ERC1: variants seen among roughly 807,000 people sequenced by gnomAD.
The protein encoded by ERC1 is RAB6 interacting protein 2.
In ERC1, 56 loss-of-function variants were observed where a neutral mutation model predicts 132.0. That is an observed-to-expected ratio of 0.42 (90% confidence interval 0.34 to 0.53). The LOEUF is 0.53. Ranked by LOEUF, ERC1 falls within the 20% of genes least tolerant of loss-of-function variation. The probability of loss-of-function intolerance (pLI) is 0.03; values close to 1 mark genes in which losing one functional copy is unlikely to be tolerated. For synonymous variants in ERC1, 478 were observed against 476.1 expected (o/e 1.00, Z -0.05); for missense variants, 1,202 against 1,349.9 (o/e 0.89, Z 1.72).
chr12:1,442,972 A>G (rs2093200940), intron 17 of ERC1, among the ~76,000 whole-genome samples: 1 of 150,932 alleles, frequency 6.6e-6, no homozygotes, highest in African/African-American at 2.4e-5. Flanking sequence ...CAGTGGTGTG[A>G]TCTCGGCTCA....
chr12:1,449,839 C>T (rs1393682876), intron 18 of ERC1, among the ~76,000 whole-genome samples: 5 of 151,670 alleles, frequency 3.3e-5, no homozygotes, highest in African/African-American at 9.7e-5. Flanking sequence ...CTATTTTTTT[C>T]CTCTGTTTTT....
At chr12:1,040,327 T>C (rs1276496108) in intron 2 of ERC1, among the ~76,000 whole-genome samples, 2 of 149,224 alleles carry the variant, frequency 1.3e-5, no homozygotes, top group African/African-American at 2.4e-5. Context: ...CTTTTTTCTT[T>C]TTTTTTTTTT....
At position 1,261,736 on chromosome 12, in the gene ERC1, T is replaced by C. The variant is rs76854200; in HGVS notation, c.2488-1298T>C. Among the ~76,000 whole-genome samples the C allele has an allele frequency of 9.5e-4, 144 of 152,310 alleles. 2 individuals carry two copies. In the East Asian group the frequency reaches 0.027, roughly 28 times the overall value. On this transcript the variant is annotated intron_variant, in intron 13 of 18. Coordinates refer to ENST00000360905, the MANE Select transcript of ERC1 (RefSeq NM_178040.4). ...CCTACATAAAACAGAACCTCACTTA[T>C]GGGAATAGATCACAGTATTTTATAA...
intron 14 of ERC1, among the ~76,000 whole-genome samples, chr12:1,281,138 T>C (rs1051242015): frequency 6.6e-6 from 1 of 152,242 alleles, no homozygotes; most frequent in African/African-American, 2.4e-5. Flanking sequence ...TTTCATTTGA[T>C]CTTAGAAGAA....
rs1314142739 is a variant in ERC1, at chr12:1,400,218, T to C, written c.2926-7931T>C. 2.0e-5 allele frequency among the ~76,000 whole-genome samples: 3 copies of C among 152,384 alleles called. No homozygotes were observed. The East Asian group carries it at 5.8e-4, about 29-fold the overall frequency. On this transcript the variant is annotated intron_variant, in intron 16 of 18. Coordinates refer to ENST00000360905, the MANE Select transcript of ERC1 (RefSeq NM_178040.4). ...TCTTTTCTTGTGCTTACTGCCTATT[T>C]GTGAATCTTCTTTGTTGATTGAAAA...
chr12:1,079,206 G>A (rs1429461083), intron 2 of ERC1, among the ~76,000 whole-genome samples: 1 of 147,380 alleles, frequency 6.8e-6, no homozygotes, highest in Non-Finnish European at 1.5e-5. Context: ...TCGATATACA[G>A]AGATACAGAT....
chr12:994,825 G>A (rs1037392231), intron 1 of ERC1, among the ~76,000 whole-genome samples: 6 of 151,944 alleles, frequency 3.9e-5, no homozygotes, highest in Non-Finnish European at 5.9e-5. Flanking sequence ...GGCCGGGTGC[G>A]GTGGCTCACG....
rs192949210 is a variant in ERC1 at position 1,367,069 on chromosome 12, A to G, written c.2781-4764A>G. On this transcript the variant is annotated intron_variant, in intron 15 of 18. Coordinates refer to ENST00000360905, the MANE Select transcript of ERC1 (RefSeq NM_178040.4). The stretch of plus-strand genomic sequence containing the variant: ...TCTGAAACCTCTGCAAGGGAAGTTG[A>G]AGAATCTAGTCATTAGAGGATTTCT... Among the ~76,000 whole-genome samples, 14 of 152,312 alleles carry G rather than the reference A, an allele frequency of 9.2e-5. No homozygotes were observed. In the East Asian group the frequency reaches 2.7e-3, roughly 29 times the overall value.
At chr12:1,026,619 A>G (rs868797279) in intron 1 of ERC1, among the ~76,000 whole-genome samples, 14 of 152,192 alleles carry the variant, frequency 9.2e-5, no homozygotes, top group Non-Finnish European at 1.5e-4. Flanking sequence ...TTGTTTTCTT[A>G]ATGAAATATA....
chr12:1,187,923 T>G (rs1955288760), intron 11 of ERC1, among the ~76,000 whole-genome samples: 1 of 152,138 alleles, frequency 6.6e-6, no homozygotes. Flanking sequence ...GAGAACTAAC[T>G]TAGGTCAAGG....
intron 1 of ERC1, among the ~76,000 whole-genome samples, chr12:1,004,079 A>G (rs1012312066): frequency 2.0e-5 from 3 of 152,124 alleles, no homozygotes; most frequent in East Asian, 3.9e-4. Flanking sequence ...AGCTCCATAT[A>G]GGCCTTCCAC....
chr12:1,134,955 C>T (rs1169982635), intron 7 of ERC1, among the ~76,000 whole-genome samples: 1 of 151,998 alleles, frequency 6.6e-6, no homozygotes, highest in Non-Finnish European at 1.5e-5. Flanking sequence ...CTTGAACTCC[C>T]GACCTCTGGT....
At chr12:1,155,334 A>AG (rs1566101259) in intron 8 of ERC1, among the ~76,000 whole-genome samples, 1 of 151,578 alleles carries the variant, frequency 6.6e-6, no homozygotes, top group Non-Finnish European at 1.5e-5. Context: ...AAAAAAAAAA[A>AG]AAAAGATTTA....
intron 15 of ERC1, among the ~76,000 whole-genome samples, chr12:1,303,879 G>C (rs991894460): frequency 6.7e-6 from 1 of 150,342 alleles, no homozygotes; most frequent in African/African-American, 2.5e-5. Flanking sequence ...GCTGGAACCC[G>C]GGGGCAGAGG....
At chr12:1,037,895 T>A (rs1969391354) in intron 2 of ERC1, among the ~76,000 whole-genome samples, 1 of 151,528 alleles carries the variant, frequency 6.6e-6, no homozygotes, top group African/African-American at 2.4e-5. Flanking sequence ...ATGCAAAAAA[T>A]TAGCTGGGCT....
intron 14 of ERC1, among the ~76,000 whole-genome samples, chr12:1,276,863 A>G (rs1214132436): frequency 6.6e-6 from 1 of 152,220 alleles, no homozygotes; most frequent in Non-Finnish European, 1.5e-5. Flanking sequence ...TAATTTTATC[A>G]TATTTTTATA....
In ERC1 at chr12:1,112,218, G is replaced by C; in HGVS notation, c.1321G>C (p.Glu441Gln). ...AAGAATAATAATGTCGTGACAGGTA[G>C]AACAACTGAAGGAGGAACTAAGTTC... Reference protein sequence around the residue: ...SHSKFMKNKVEQLKEELSSKE... With the variant: ...SHSKFMKNKVQQLKEELSSKE... Residue 441 changes from glutamate (E) to glutamine (Q), a missense_variant, in exon 6 of 19, where the codon GAA (glutamate) becomes CAA (glutamine). Physicochemically the swap from Glu to Gln is conservative, Grantham distance 29 (BLOSUM62 2). Coordinates refer to ENST00000360905, the MANE Select transcript of ERC1 (RefSeq NM_178040.4). 1 of 1,608,118 alleles carries C rather than the reference G, an allele frequency of 6.2e-7. No homozygotes were observed. The highest frequency in any genetic ancestry group is 8.5e-7 in the Non-Finnish European group (1 of 1,175,290).
intron 15 of ERC1, among the ~76,000 whole-genome samples, chr12:1,363,088 C>T (rs963566438): frequency 6.6e-6 from 1 of 152,168 alleles, no homozygotes; most frequent in Admixed American, 6.5e-5. Context: ...TCTGGTCACT[C>T]GCCATTTCCC....
chr12:1,092,954 T>C (rs1016249816), intron 3 of ERC1, among the ~76,000 whole-genome samples: 2 of 152,140 alleles, frequency 1.3e-5, no homozygotes, highest in African/African-American at 4.8e-5. Flanking sequence ...ACACTCTGCC[T>C]CAAAAACAAA....
Sources: allele counts gnomAD v4.1 joint callset (sites outside exome capture counted in the v4.1 genomes callset), GRCh38; gene constraint gnomAD v4.1.1; transcripts MANE v1.5; gene names NCBI Gene and HGNC (gene_info 2026-07-23, HGNC 2026-07-21).